TYW1B: variants seen among roughly 807,000 people sequenced by gnomAD.
TYW1B encodes the protein S-adenosyl-L-methionine-dependent tRNA 4-demethylwyosine synthase TYW1B.
In TYW1B, 73 loss-of-function variants were observed where a neutral mutation model predicts 86.9. The ratio of observed to expected loss-of-function variants is 0.84; its 90% CI spans 0.70 to 1.02. The LOEUF is 1.02. Ranked by LOEUF, TYW1B falls within the 50% of genes least tolerant of loss-of-function variation. TYW1B has a pLI of 0.00. For missense variants in TYW1B, 637 were observed against 827.4 expected (o/e 0.77, Z 2.82); for synonymous variants, 248 against 292.8 (o/e 0.85, Z 1.56).
intron 7 of TYW1B, among the ~76,000 whole-genome samples, chr7:72,774,663 A>T (rs1554470265): frequency 6.6e-6 from 1 of 152,126 alleles, no homozygotes; most frequent in Non-Finnish European, 1.5e-5. Flanking sequence ...CCTGGGAGGC[A>T]GAGGTTGCAG....
At chr7:72,817,207 C>T (rs1275586997) in intron 2 of TYW1B, among the ~76,000 whole-genome samples, 3 of 152,034 alleles carry the variant, frequency 2.0e-5, no homozygotes, top group Non-Finnish European at 1.5e-5. Context: ...AGTTCGAGAC[C>T]GGCCTGACCA....
intron 13 of TYW1B, among the ~76,000 whole-genome samples, chr7:72,585,715 T>A (rs1811258632): frequency 6.6e-6 from 1 of 152,190 alleles, no homozygotes; most frequent in African/African-American, 2.4e-5. Context: ...TCTGCCTCCA[T>A]GTGAGACATG....
At chr7:72,800,959 T>C (rs1788394031) in intron 6 of TYW1B, among the ~76,000 whole-genome samples, 1 of 152,180 alleles carries the variant, frequency 6.6e-6, no homozygotes, top group Admixed American at 6.6e-5. Context: ...TTTCCATTTG[T>C]TCGAGTCCAC....
intron 11 of TYW1B, among the ~76,000 whole-genome samples, chr7:72,658,238 G>C (rs566024365): frequency 6.6e-6 from 1 of 150,764 alleles, no homozygotes; most frequent in Non-Finnish European, 1.5e-5. Flanking sequence ...GTGACAGAGC[G>C]AGACTCCGTC....
intron 7 of TYW1B, among the ~76,000 whole-genome samples, chr7:72,757,370 G>T (rs1237323282): frequency 7.7e-6 from 1 of 129,840 alleles, no homozygotes; most frequent in African/African-American, 3.0e-5. Flanking sequence ...TCCGTCTATG[G>T]AAAAAAAAAA....
chr7:72,727,704 G>A lies in TYW1B; in HGVS notation c.1192+1118C>T, dbSNP rs180980704. Among the ~76,000 whole-genome samples, 5 of 151,522 alleles carry A rather than the reference G, an allele frequency of 3.3e-5. No homozygotes were observed. The East Asian group carries it at 5.8e-4, about 18-fold the overall frequency. The stretch of plus-strand genomic sequence containing the variant: ...AGCGCCTGTAGCCCCAGCTACTCAG[G>A]AGGTAAGGCTGAGGTGGGAGGATCA... On this transcript the variant is annotated intron_variant, in intron 9 of 13. Transcript: ENST00000620995.
rs782258231 is a variant in TYW1B at position 72,694,818 on chromosome 7, G to T, written c.1375C>A (p.Leu459Ile). The change falls in exon 11 of 14, where the codon CTC becomes ATC. Residue 459 changes from leucine to isoleucine, a missense_variant. Transcript: ENST00000620995. ...NAQFPAEIRN[L>I]EPVTQLYVSV... is the part of the protein sequence containing the mutation. ...ACATACAGCTGAGTAACTGGCTCGA[G>T]GTTCCTTAGTAATTTTTTTTTTTAA... The T allele has an allele frequency of 4.4e-6, 7 of 1,582,830 alleles. No individual in the cohort carries two copies. Among genetic ancestry groups the T allele is most frequent in the Non-Finnish European group, 6.0e-6 (7 of 1,171,926 alleles).
chr7:72,815,634 T>G (rs553808265), intron 2 of TYW1B, among the ~76,000 whole-genome samples, 153 bp from the exon 3 acceptor site: 1 of 152,316 alleles, frequency 6.6e-6, no homozygotes, highest in Admixed American at 6.5e-5. Flanking sequence ...CTTACCATTT[T>G]CTTGGGCACC....
intron 11 of TYW1B, among the ~76,000 whole-genome samples, chr7:72,632,301 GTGTATATATATTATATATAT>G (rs1812516862): frequency 1.8e-5 from 1 of 55,844 alleles, no homozygotes; most frequent in Non-Finnish European, 2.8e-5. Context: ...ATATATATAC[GTGTATATATATTATATATAT>G]TATATATATA....
rs782735421 is a variant in TYW1B at position 72,802,373 on chromosome 7, G to A, written c.846+27C>T. On this transcript the variant is annotated intron_variant, in intron 6 of 13. Transcript: ENST00000620995. ...AATGTTAACCAACTGCGGGAGCCAA[G>A]TGCAACATTTCCCAAAGTAATGGTA... 21 of 1,613,288 alleles carry A rather than the reference G, an allele frequency of 1.3e-5. 1 individual carries two copies. The highest frequency in any genetic ancestry group is 1.7e-5 in the Non-Finnish European group (20 of 1,179,588).
chr7:72,636,880 T>C (rs1343206952), intron 11 of TYW1B, among the ~76,000 whole-genome samples: 2 of 152,172 alleles, frequency 1.3e-5, no homozygotes, highest in Admixed American at 6.6e-5. Flanking sequence ...GAATTTGGTA[T>C]AAATATTCTG....
rs150635060 is a variant in TYW1B at position 72,759,217 on chromosome 7, C to T, written c.965-14616G>A. On this transcript the variant is annotated intron_variant, in intron 7 of 13. Transcript: ENST00000620995. ...GCGTGGTGGCACGCACACCTGTAGT[C>T]CCAACTACTCGGGAGGCTCAGGTGT... 4.1e-3 allele frequency among the ~76,000 whole-genome samples: 628 copies of T among 152,230 alleles called. 3 individuals are homozygous for T. The highest frequency in any genetic ancestry group is 0.014 in the African/African-American group (595 of 41,554).
intron 8 of TYW1B, among the ~76,000 whole-genome samples, chr7:72,741,189 TCAAAGAGCTAATGGAAACCATGTA>T (rs1563078402): frequency 6.6e-6 from 1 of 151,916 alleles, no homozygotes; most frequent in Non-Finnish European, 1.5e-5. Context: ...TTAAACATGC[TCAAAGAGCTAATGGAAACCATGTA>T]CAAAGAGATG....
chr7:72,686,901 C>A (rs1292213859), intron 11 of TYW1B, among the ~76,000 whole-genome samples: 3 of 151,972 alleles, frequency 2.0e-5, no homozygotes, highest in African/African-American at 7.3e-5. Context: ...AAAATCCAGA[C>A]CCCCTACCTT....
rs181985468 is a variant in TYW1B at position 72,774,511 on chromosome 7, A to T, written c.964+2905T>A. Among the ~76,000 whole-genome samples, 1,359 of 152,062 alleles carry T rather than the reference A, an allele frequency of 8.9e-3. 15 individuals carry two copies. The highest frequency in any genetic ancestry group is 0.011 in the Non-Finnish European group (775 of 67,978). On this transcript the variant is annotated intron_variant, in intron 7 of 13. Coordinates refer to ENST00000620995, the MANE Select transcript of TYW1B (RefSeq NM_001145440.3). ...GCCAAGGTGGGCAGATCAGGAGGTC[A>T]GGAGATAGAGACCATCCTGGCTAAC... is the stretch of plus-strand genomic sequence containing the variant.
chr7:72,620,209 C>T (rs1170770214), intron 12 of TYW1B, among the ~76,000 whole-genome samples: 12 of 152,062 alleles, frequency 7.9e-5, no homozygotes, highest in African/African-American at 1.9e-4. Context: ...CCAGCCTTGC[C>T]GACATGGTGA....
chr7:72,592,953 C>T (rs1258387384), intron 13 of TYW1B, among the ~76,000 whole-genome samples: 1 of 152,066 alleles, frequency 6.6e-6, no homozygotes, highest in Non-Finnish European at 1.5e-5. Context: ...TACTCAGAGA[C>T]TTCAATACCT....
intron 6 of TYW1B, among the ~76,000 whole-genome samples, chr7:72,778,292 G>A (rs1554471003): frequency 1.3e-5 from 2 of 152,132 alleles, no homozygotes; most frequent in African/African-American, 4.8e-5. Flanking sequence ...CACAACACCT[G>A]ATGTACAATA....
At chr7:72,693,409 CTTTTTTTT>C in intron 11 of TYW1B, among the ~76,000 whole-genome samples, 1 of 129,418 alleles carries the variant, frequency 7.7e-6, no homozygotes, top group South Asian at 2.5e-4. Context: ...TTGCAGACAT[CTTTTTTTT>C]TTTTTTTTTT....
Sources: gnomAD v4.1 joint callset for allele counts (sites outside exome capture counted in the v4.1 genomes callset) on GRCh38, gnomAD v4.1.1 for gene constraint, MANE v1.5 for transcripts, NCBI Gene and HGNC (gene_info 2026-07-23, HGNC 2026-07-21) for gene names.